The following LONRF2 variants were observed in gnomAD, a reference collection of about 807,000 sequenced individuals.
LONRF2 encodes LON peptidase N-terminal domain and ring finger 2, also known as LON peptidase N-terminal domain and RING finger protein 2.
A neutral mutation model predicts 66.6 loss-of-function variants in LONRF2; 35 were observed. That is an observed-to-expected ratio of 0.53 (90% CI 0.40 to 0.70). The LOEUF is 0.70. LONRF2 is among the 30% of genes least tolerant of loss of function. The pLI is 0.00. For missense variants in LONRF2, 902 were observed against 1,002.1 expected, an observed-to-expected ratio of 0.90 and a Z score of 1.35; for synonymous variants, 417 against 418.1, an observed-to-expected ratio of 1.00 and a Z score of 0.03.
chr2:100,291,908 T>C (rs990424853), intron 9 of LONRF2, among the ~76,000 whole-genome samples: 1 of 152,140 alleles, frequency 6.6e-6, no homozygotes, highest in Non-Finnish European at 1.5e-5. Context: ...CAGTTTATAA[T>C]ATATACGAAT....
At chr2:100,317,288 C>A (rs999200418) in intron 1 of LONRF2, among the ~76,000 whole-genome samples, 1 of 151,850 alleles carries the variant, frequency 6.6e-6, no homozygotes, top group African/African-American at 2.4e-5. Context: ...TCCACTATAG[C>A]TTTTTTTTAA....
intron 9 of LONRF2, among the ~76,000 whole-genome samples, chr2:100,292,869 T>C (rs1014045832): frequency 6.6e-6 from 1 of 152,168 alleles, no homozygotes; most frequent in South Asian, 2.1e-4. Flanking sequence ...GTAAAGCTTT[T>C]TCCCCCCCTC....
intron 1 of LONRF2, among the ~76,000 whole-genome samples, chr2:100,318,587 G>A (rs780454733): frequency 3.9e-5 from 6 of 152,130 alleles, no homozygotes; most frequent in Non-Finnish European, 5.9e-5. Context: ...AGCACTTTGG[G>A]AGGCTGAGGC....
chr2:100,300,022 G>C (rs577304577), intron 4 of LONRF2, 104 bp from the exon 5 acceptor site: 2 of 574,288 alleles, frequency 3.5e-6, no homozygotes, highest in Admixed American at 3.2e-5. Context: ...AAAAAAAAGG[G>C]GGGGGCATAC....
intron 2 of LONRF2, among the ~76,000 whole-genome samples, chr2:100,304,801 T>C (rs1468448478): frequency 6.7e-6 from 1 of 148,532 alleles, no homozygotes; most frequent in African/African-American, 2.5e-5. Flanking sequence ...TTTTTTTTTT[T>C]TTTTTTTTTT....
chr2:100,321,040 C>A (rs1675611053), intron 1 of LONRF2, among the ~76,000 whole-genome samples: 1 of 152,206 alleles, frequency 6.6e-6, no homozygotes, highest in Non-Finnish European at 1.5e-5. Context: ...GCACCCCTTT[C>A]TGCGCCTGTA....
In LONRF2 at chr2:100,277,251, G is replaced by A. The variant is rs1285669611; in HGVS notation, c.*7047C>T. ...GGCCCACTTAGGATGGACATAAGGT[G>A]CCTAAGGGCTTTGGATGCAAGAAAC... On this transcript the variant is annotated 3_prime_UTR_variant, in exon 12 of 12. Transcript: ENST00000393437. The A allele has an allele frequency of 6.6e-6, 1 of 152,126 alleles. No individual in the cohort carries two copies. Among genetic ancestry groups the A allele is most frequent in the African/African-American group, 2.4e-5 (1 of 41,400 alleles). The allele number at this position is 152,126 out of a possible 1,614,324, so 9.4% of individuals were successfully genotyped here. A position where few individuals can be genotyped will look rare whatever the true frequency, so the allele number is the denominator to read the frequency against.
Position 100,322,288 on chromosome 2 carries a change from G to T in LONRF2, c.-195C>A, listed in dbSNP as rs1675656690. 3 of 427,986 alleles carry T rather than the reference G, an allele frequency of 7.0e-6. No individual in the cohort carries two copies. Among genetic ancestry groups the T allele is most frequent in the Non-Finnish European group, 1.1e-5 (3 of 271,200 alleles). 26.5% of individuals were successfully genotyped at this position (427,986 alleles called of 1,614,324 possible). On this transcript the variant is annotated 5_prime_UTR_variant, in exon 1 of 12. Coordinates refer to ENST00000393437, the MANE Select transcript of LONRF2 (RefSeq NM_198461.4). ...CTGGCTTGGGCAGCGTCCTCAGCGC[G>T]GTGTGGGCGGCGAGCCCCGCAGGGC...
In LONRF2 at chr2:100,283,166, T is replaced by C. The variant is rs939666997; in HGVS notation, c.*1132A>G. The C allele has an allele frequency of 1.3e-5, 2 of 152,220 alleles. No individual in the cohort carries two copies. The highest frequency in any genetic ancestry group is 4.8e-5 in the African/African-American group (2 of 41,448). 9.4% of individuals were successfully genotyped at this position (152,220 alleles called of 1,614,324 possible). A position where few individuals can be genotyped will look rare whatever the true frequency, so the allele number is the denominator to read the frequency against. ...GTGCATTACAGGATGGAAGTCATAC[T>C]ACTGTCCTTTAACAGATAACACCTG... On this transcript the variant is annotated 3_prime_UTR_variant, in exon 12 of 12. Transcript: ENST00000393437.
Position 100,286,999 on chromosome 2 carries a change from G to C in LONRF2, c.1985C>G (p.Ser662Cys). 6.2e-7 allele frequency: 1 copy of C among 1,614,208 alleles called. No individual in the cohort carries two copies. Among genetic ancestry groups the C allele is most frequent in the South Asian group, 1.1e-5 (1 of 91,084 alleles). ...GCGATCCTGGAGAGACGCGAACCAG[G>C]AAACAGACTGTTGATGCACAGAATC... ...LHDSVHQQSV[S>C]WFASLQDRMK... Residue 662 changes from serine to cysteine, a missense_variant, in exon 11 of 12, where the codon TCC becomes TGC. Ser to Cys is a moderately radical substitution (Grantham distance 112). Coordinates refer to ENST00000393437, the MANE Select transcript of LONRF2 (RefSeq NM_198461.4).
intron 3 of LONRF2, among the ~76,000 whole-genome samples, chr2:100,301,947 T>C (rs1295486555): frequency 3.9e-5 from 6 of 152,226 alleles, no homozygotes; most frequent in Non-Finnish European, 7.3e-5. Context: ...TACTGGTCAA[T>C]TGAACAACTG....
chr2:100,309,087 A>G lies in LONRF2; in HGVS notation c.798+20T>C. ...ATAAACTTCACATTGATTATCTCCA[A>G]AGCTAACAAATACAAATACCTTAAT... On this transcript the variant is annotated intron_variant, in intron 2 of 11. Transcript: ENST00000393437. 1 of 1,457,428 alleles carries G rather than the reference A, an allele frequency of 6.9e-7. No individual in the cohort carries two copies. The highest frequency in any genetic ancestry group is 9.4e-7 in the Non-Finnish European group (1 of 1,067,050). 90.3% of individuals were successfully genotyped at this position (1,457,428 alleles called of 1,614,324 possible). A position where few individuals can be genotyped will look rare whatever the true frequency, so the allele number is the denominator to read the frequency against.
Position 100,277,332 on chromosome 2 carries a change from T to C in LONRF2, c.*6966A>G, listed in dbSNP as rs1674621151. ...AAGCAGTAAATGGCTGGATGCCTACTGGGCTCTCCTGGACACAGAGGCTCT... is the reference window on the plus strand; with the variant it reads ...AAGCAGTAAATGGCTGGATGCCTACCGGGCTCTCCTGGACACAGAGGCTCT... On this transcript the variant is annotated 3_prime_UTR_variant, in exon 12 of 12. Coordinates refer to ENST00000393437, the MANE Select transcript of LONRF2 (RefSeq NM_198461.4). 2 of 152,208 alleles carry C rather than the reference T, an allele frequency of 1.3e-5. No homozygotes were observed. The highest frequency in any genetic ancestry group is 2.9e-5 in the Non-Finnish European group (2 of 68,058). 9.4% of individuals were successfully genotyped at this position (152,208 alleles called of 1,614,324 possible).
At chr2:100,316,216 G>T (rs1290263778) in intron 1 of LONRF2, among the ~76,000 whole-genome samples, 1 of 150,862 alleles carries the variant, frequency 6.6e-6, no homozygotes, top group Non-Finnish European at 1.5e-5. Flanking sequence ...CTACTGGGGA[G>T]GCTGAGGCAG....
rs571375041 is a variant in LONRF2, at chr2:100,291,565, G to A, written c.1758-1145C>T. Among the ~76,000 whole-genome samples, 9 of 151,968 alleles carry A rather than the reference G, an allele frequency of 5.9e-5. No homozygotes were observed. The South Asian group carries it at 1.5e-3, about 25-fold the overall frequency. On this transcript the variant is annotated intron_variant, in intron 9 of 11. Coordinates refer to ENST00000393437, the MANE Select transcript of LONRF2 (RefSeq NM_198461.4). ...CCCCCTCACTCCTCCATATCCTACC[G>A]TTCCATTAAAATGACTCCAAAAGAA...
chr2:100,311,773 T>A (rs750979761), intron 1 of LONRF2, among the ~76,000 whole-genome samples: 9 of 152,148 alleles, frequency 5.9e-5, no homozygotes, highest in Non-Finnish European at 1.3e-4. Context: ...GGTGTTGAAT[T>A]TTATAGACTG....
chr2:100,273,250 C>T lies in LONRF2; in HGVS notation c.*11048G>A, dbSNP rs1244663083. The T allele has an allele frequency of 6.6e-6, 1 of 152,140 alleles. No individual in the cohort carries two copies. The highest frequency in any genetic ancestry group is 1.5e-5 in the Non-Finnish European group (1 of 68,004). The allele number at this position is 152,140 out of a possible 1,614,324, so 9.4% of individuals were successfully genotyped here. Reference sequence around the variant, plus strand: ...TGGGGCCTTCAGAGAAAGCCCGGCCCTACTGGCACCTTGGCTTTGGATTTC... The same window carrying T: ...TGGGGCCTTCAGAGAAAGCCCGGCCTTACTGGCACCTTGGCTTTGGATTTC... On this transcript the variant is annotated 3_prime_UTR_variant, in exon 12 of 12. Coordinates refer to ENST00000393437, the MANE Select transcript of LONRF2 (RefSeq NM_198461.4).
Position 100,276,881 on chromosome 2 carries a change from A to G in LONRF2, c.*7417T>C, listed in dbSNP as rs1015089655. 7.9e-5 allele frequency: 12 copies of G among 152,196 alleles called. No individual in the cohort carries two copies. The highest frequency in any genetic ancestry group is 3.9e-4 in the Admixed American group (6 of 15,272). The allele number at this position is 152,196 out of a possible 1,614,324, so 9.4% of individuals were successfully genotyped here. On this transcript the variant is annotated 3_prime_UTR_variant, in exon 12 of 12. Transcript: ENST00000393437. The stretch of plus-strand genomic sequence containing the variant: ...ACACCTTTGCAGGCCACCCACAGGG[A>G]GCTCCACGGCTTTGCCATGGCACAC...
In LONRF2 at chr2:100,277,384, CTCCAACTG is replaced by C. The variant is rs1674621885; in HGVS notation, c.*6906_*6913del. 6.6e-6 allele frequency: 1 copy of C among 152,264 alleles called. No homozygotes were observed. Among genetic ancestry groups the C allele is most frequent in the South Asian group, 2.1e-4 (1 of 4,826 alleles). The allele number at this position is 152,264 out of a possible 1,614,324, so 9.4% of individuals were successfully genotyped here. On this transcript the variant is annotated 3_prime_UTR_variant, in exon 12 of 12. Transcript: ENST00000393437. ...AAAGACCTAAGCCTAGGACCCCAAT[CTCCAACTG>C]TCCATTATAAACACCTGACAAGCTC...
Sources: allele counts gnomAD v4.1 joint callset (sites outside exome capture counted in the v4.1 genomes callset), GRCh38; gene constraint gnomAD v4.1.1; transcripts MANE v1.5; gene names NCBI Gene and HGNC (gene_info 2026-07-23, HGNC 2026-07-21).